TRHDE: variants seen among roughly 807,000 people sequenced by gnomAD.
TRHDE encodes thyrotropin releasing hormone degrading enzyme, also known as thyrotropin-releasing hormone-degrading ectoenzyme.
Under a neutral mutation model 125.7 loss-of-function variants are expected in TRHDE, and 72 were observed. The observed-to-expected ratio is 0.57, with a 90% CI of 0.47 to 0.70. The LOEUF is 0.70. Among genes scored for constraint, TRHDE ranks in the 30% least tolerant of loss-of-function variants. The probability of loss-of-function intolerance (pLI) is 0.00; values close to 1 mark genes in which losing one functional copy is unlikely to be tolerated. For missense variants in TRHDE, 1,110 were observed against 1,327.1 expected, an observed-to-expected ratio of 0.84 and a Z score of 2.54; for synonymous variants, 509 against 509.1, an observed-to-expected ratio of 1.00 and a Z score of 0.00.
chr12:72,452,280 T>C (rs920479745), intron 3 of TRHDE, among the ~76,000 whole-genome samples: 1 of 152,206 alleles, frequency 6.6e-6, no homozygotes, highest in Non-Finnish European at 1.5e-5. Context: ...CTGATTTCTG[T>C]ATATTAATTT....
chr12:72,612,356 G>C (rs1231496255), intron 12 of TRHDE, among the ~76,000 whole-genome samples: 2 of 152,106 alleles, frequency 1.3e-5, no homozygotes, highest in Non-Finnish European at 2.9e-5. Flanking sequence ...ATGTATATGT[G>C]TATTAAGTCT....
intron 2 of TRHDE, among the ~76,000 whole-genome samples, chr12:72,130,287 A>G (rs933316231): frequency 5.9e-5 from 9 of 152,232 alleles, no homozygotes; most frequent in African/African-American, 2.2e-4. Context: ...TAGGTGATAG[A>G]GAAAAAGAAA....
intron 2 of TRHDE, among the ~76,000 whole-genome samples, chr12:72,202,141 G>T (rs999787747): frequency 6.6e-6 from 1 of 152,108 alleles, no homozygotes; most frequent in Admixed American, 6.5e-5. Flanking sequence ...ATTTTAATTT[G>T]CATCCAACTC....
chr12:72,584,821 C>A (rs1268974741), intron 12 of TRHDE, among the ~76,000 whole-genome samples: 1 of 152,050 alleles, frequency 6.6e-6, no homozygotes, highest in Non-Finnish European at 1.5e-5. Context: ...TAGGTTAATT[C>A]CATATTTGGC....
intron 2 of TRHDE, among the ~76,000 whole-genome samples, chr12:72,228,553 T>C (rs1025105555): frequency 2.6e-5 from 4 of 152,186 alleles, no homozygotes; most frequent in Admixed American, 2.0e-4. Context: ...ATTTTCCCCA[T>C]TGTCTTTACT....
At chr12:72,584,776 C>T (rs1411159998) in intron 12 of TRHDE, among the ~76,000 whole-genome samples, 2 of 152,136 alleles carry the variant, frequency 1.3e-5, no homozygotes, top group Non-Finnish European at 2.9e-5. Flanking sequence ...GTATATACCA[C>T]ATTTTCTTTA....
intron 3 of TRHDE, among the ~76,000 whole-genome samples, chr12:72,448,790 G>A (rs1354667878): frequency 6.6e-6 from 1 of 151,356 alleles, no homozygotes; most frequent in Non-Finnish European, 1.5e-5. Context: ...ATTATCACTA[G>A]TCATTTTGTT....
At chr12:72,257,958 G>A (rs1048381712) in intron 2 of TRHDE, 7 of 152,110 alleles carry the variant, frequency 4.6e-5, no homozygotes, top group African/African-American at 1.7e-4. Flanking sequence ...AGTTTAAATA[G>A]TTGGTCCAAA....
At chr12:72,169,774 T>G (rs1876830172) in intron 2 of TRHDE, among the ~76,000 whole-genome samples, 1 of 152,126 alleles carries the variant, frequency 6.6e-6, no homozygotes, top group Non-Finnish European at 1.5e-5. Context: ...TATGACCCCA[T>G]TAAACCTTAA....
chr12:72,639,527 T>G (rs1169864478), intron 15 of TRHDE, among the ~76,000 whole-genome samples: 1 of 152,154 alleles, frequency 6.6e-6, no homozygotes, highest in Non-Finnish European at 1.5e-5. Flanking sequence ...CCGTCCAGCT[T>G]TGTTCCGTTG....
chr12:72,416,189 GTCT>G (rs1873723979), intron 3 of TRHDE, among the ~76,000 whole-genome samples: 1 of 151,910 alleles, frequency 6.6e-6, no homozygotes, highest in Non-Finnish European at 1.5e-5. Flanking sequence ...CCATTTGTAT[GTCT>G]TCTTTTGAGA....
At chr12:72,337,223 G>T (rs573793689) in intron 2 of TRHDE, among the ~76,000 whole-genome samples, 1 of 152,294 alleles carries the variant, frequency 6.6e-6, no homozygotes, top group South Asian at 2.1e-4. Flanking sequence ...TCTCAGGAGT[G>T]TCAGCTGACA....
At chr12:72,109,681 C>T (rs901846091) in intron 2 of TRHDE, among the ~76,000 whole-genome samples, 1 of 152,086 alleles carries the variant, frequency 6.6e-6, no homozygotes, top group African/African-American at 2.4e-5. Flanking sequence ...CCCCTCATTT[C>T]TAGGGGAGAT....
chr12:72,348,551 A>G (rs556543420), intron 2 of TRHDE, among the ~76,000 whole-genome samples: 2 of 152,198 alleles, frequency 1.3e-5, no homozygotes, highest in South Asian at 4.2e-4. Flanking sequence ...TGAGGTAAGT[A>G]TACTGAGGGT....
intron 15 of TRHDE, among the ~76,000 whole-genome samples, chr12:72,642,272 T>C (rs1370891846): frequency 6.6e-6 from 1 of 152,224 alleles, no homozygotes; most frequent in African/African-American, 2.4e-5. Flanking sequence ...GTCTTTATTT[T>C]TCTACCTACT....
intron 2 of TRHDE, among the ~76,000 whole-genome samples, chr12:72,291,898 C>T (rs1325970623): frequency 1.3e-5 from 2 of 152,194 alleles, no homozygotes; most frequent in Admixed American, 6.5e-5. Context: ...ATTGAATAAC[C>T]TCAGCTTGCT....
At chr12:72,580,772 G>A (rs527642017) in intron 12 of TRHDE, among the ~76,000 whole-genome samples, 4 of 152,038 alleles carry the variant, frequency 2.6e-5, no homozygotes, top group Non-Finnish European at 5.9e-5. Flanking sequence ...TGTTTGTTTC[G>A]ATAAAGCATG....
intron 9 of TRHDE, among the ~76,000 whole-genome samples, chr12:72,566,704 G>A (rs562289102): frequency 6.6e-6 from 1 of 151,924 alleles, no homozygotes; most frequent in East Asian, 1.9e-4. Flanking sequence ...ATTTTTAAAT[G>A]TCCTCAATTT....
At chr12:72,135,861 G>A (rs555674774) in intron 2 of TRHDE, among the ~76,000 whole-genome samples, 6 of 150,342 alleles carry the variant, frequency 4.0e-5, no homozygotes, top group Admixed American at 4.0e-4. Flanking sequence ...TATTCTCTAT[G>A]ATTTTTTTTT....
Sources: allele counts gnomAD v4.1 joint callset (sites outside exome capture counted in the v4.1 genomes callset), GRCh38; gene constraint gnomAD v4.1.1; transcripts MANE v1.5; gene names NCBI Gene and HGNC (gene_info 2026-07-23, HGNC 2026-07-21).